Variants in CFAP100 observed in about 807,000 individuals in gnomAD.
The protein encoded by CFAP100 is cilia- and flagella-associated protein 100.
A neutral mutation model predicts 81.5 loss-of-function variants in CFAP100; 70 were observed. The observed-to-expected ratio is 0.86, with a 90% CI of 0.71 to 1.05. CFAP100 has a LOEUF of 1.05. Among genes scored for constraint, CFAP100 ranks in the 50% least tolerant of loss-of-function variants. The pLI, the probability that CFAP100 is intolerant of heterozygous loss-of-function variation, is 0.00. For missense variants in CFAP100, 811 were observed against 776.5 expected, an observed-to-expected ratio of 1.04 and a Z score of -0.53; for synonymous variants, 341 against 314.8, an observed-to-expected ratio of 1.08 and a Z score of -0.88.
At chr3:126,417,611 T>G (rs1445270644) in intron 5 of CFAP100, among the ~76,000 whole-genome samples, 1 of 152,162 alleles carries the variant, frequency 6.6e-6, no homozygotes, top group African/African-American at 2.4e-5. Context: ...TCCCAAGACC[T>G]GGAGGAGAGG....
chr3:126,400,606 A>G (rs7633034), intron 2 of CFAP100, among the ~76,000 whole-genome samples: 71,748 of 151,834 alleles, frequency 0.47, 17,602 homozygotes, highest in African/African-American at 0.61. Context: ...ACAAAAAATA[A>G]CCGGGCATGG....
At chr3:126,411,361 G>GTTTTTTTTTTTTTTT (rs58954079) in intron 3 of CFAP100, among the ~76,000 whole-genome samples, 12 of 35,384 alleles carry the variant, frequency 3.4e-4, no homozygotes, top group Admixed American at 5.4e-4. Context: ...GTTGTTGTTG[G>GTTTTTTTTTTTTTTT]TTTTTTTTTT....
chr3:126,415,943 G>A (rs1471928437), intron 4 of CFAP100, among the ~76,000 whole-genome samples: 1 of 152,176 alleles, frequency 6.6e-6, no homozygotes, highest in Non-Finnish European at 1.5e-5. Context: ...CGTAGTCTTC[G>A]GGAACCCCAG....
chr3:126,435,360 C>T (rs567178112), intron 15 of CFAP100, among the ~76,000 whole-genome samples, 199 bp from the exon 16 acceptor site: 1 of 152,274 alleles, frequency 6.6e-6, no homozygotes, highest in African/African-American at 2.4e-5. Flanking sequence ...TTGTCCTCCT[C>T]TGGGCCTAGG....
intron 2 of CFAP100, among the ~76,000 whole-genome samples, chr3:126,400,920 C>T (rs1001221528): frequency 2.0e-5 from 3 of 152,138 alleles, no homozygotes; most frequent in South Asian, 2.1e-4. Context: ...AATAGCCAAG[C>T]GGTGGAAGCC....
intron 8 of CFAP100, 133 bp downstream of exon 8, chr3:126,419,289 C>A: frequency 1.6e-6 from 1 of 638,818 alleles, no homozygotes; most frequent in Admixed American, 3.1e-5. Context: ...TTCCATGAGG[C>A]TGTTGCCCAT....
intron 11 of CFAP100, chr3:126,420,551 G>T (rs891361577): frequency 1.6e-5 from 6 of 376,226 alleles, no homozygotes; most frequent in African/African-American, 1.2e-4. Flanking sequence ...GCCCTGGGGG[G>T]ATAGGTACTG....
rs141719598 is a variant in CFAP100 at position 126,435,621 on chromosome 3, G to C, written c.1691G>C (p.Arg564Pro). The C allele has an allele frequency of 6.2e-7, 1 of 1,612,120 alleles. No individual in the cohort carries two copies. ...ILQEEHLQRA[R>P]ARAQAEIKKK... ...CAGGAGGAGCATCTGCAGCGGGCCC[G>C]GGCGCGCGCCCAGGCTGAGATCAAG... Residue 564 changes from arginine (R) to proline (P), a missense_variant, in exon 16 of 17, where the codon CGG (arginine) becomes CCG (proline). Arg to Pro is a moderately radical substitution (Grantham distance 103). Transcript: ENST00000352312.
At chr3:126,421,740 A>G (rs1045257036) in intron 11 of CFAP100, among the ~76,000 whole-genome samples, 6 of 152,206 alleles carry the variant, frequency 3.9e-5, no homozygotes, top group African/African-American at 1.4e-4. Flanking sequence ...ATGCTTCTCC[A>G]GTTGGAAGAG....
At position 126,407,251 on chromosome 3, in the gene CFAP100, A is replaced by C; in HGVS notation, c.129A>C (p.Glu43Asp). 2.5e-6 allele frequency: 4 copies of C among 1,612,486 alleles called. No homozygotes were observed. The highest frequency in any genetic ancestry group is 3.4e-6 in the Non-Finnish European group (4 of 1,178,796). The change falls in exon 3 of 17, where the codon GAA becomes GAC. Residue 43 changes from glutamate (E) to aspartate (D), a missense_variant and splice_region_variant. Glu to Asp is a conservative substitution (Grantham distance 45, BLOSUM62 2). Transcript: ENST00000352312. ...CAAAGAAACAGGCAAGAAAAAACGA[A>C]GGTAACCTTCAAGCTGGGAGGCTAA... ...ENPKKQARKN[E>D]EHGPDPSANP... is the part of the protein sequence containing the mutation.
intron 11 of CFAP100, chr3:126,420,514 A>G: frequency 2.2e-6 from 1 of 459,200 alleles, no homozygotes. Flanking sequence ...TCTTGGACAA[A>G]GGCCTGCCCC....
intron 15 of CFAP100, chr3:126,434,599 C>T (rs544640705): frequency 6.5e-5 from 36 of 554,154 alleles, no homozygotes; most frequent in East Asian, 5.2e-4. Flanking sequence ...GACAGTGACT[C>T]GATGTGGCCA....
rs1933442766 is a variant in CFAP100 at position 126,436,264 on chromosome 3, G to A, written c.1723-27G>A. The A allele has an allele frequency of 4.4e-6, 7 of 1,587,216 alleles. No individual in the cohort carries two copies. In the African/African-American group the frequency reaches 6.7e-5, roughly 15 times the overall value. On this transcript the variant is annotated intron_variant, in intron 16 of 16. Coordinates refer to ENST00000352312, the MANE Select transcript of CFAP100 (RefSeq NM_182628.3). Reference sequence around the variant, plus strand: ...GGGCATACGGCTCACTAGGCAGCAAGGCTCACTGGGCTTGTTTCCCCTGCA... The same window carrying A: ...GGGCATACGGCTCACTAGGCAGCAAAGCTCACTGGGCTTGTTTCCCCTGCA...
chr3:126,419,124 G>A lies in CFAP100; in HGVS notation c.699G>A (p.Arg233=). 1.3e-6 allele frequency: 2 copies of A among 1,593,268 alleles called. No homozygotes were observed. The highest frequency in any genetic ancestry group is 1.7e-5 in the Admixed American group (1 of 57,908). ...KAKIEKILEI[R]DLTTQIVNIK... is the part of the protein sequence containing the mutation. ...AGATAGAGAAGATCCTTGAGATCCGGGACCTCACCACCCAGATTGTTAATA... is the reference window on the plus strand; with the variant it reads ...AGATAGAGAAGATCCTTGAGATCCGAGACCTCACCACCCAGATTGTTAATA... The change falls in exon 8 of 17, where the codon CGG becomes CGA. Residue 233 remains arginine (R), a synonymous_variant. Coordinates refer to ENST00000352312, the MANE Select transcript of CFAP100 (RefSeq NM_182628.3).
intron 2 of CFAP100, among the ~76,000 whole-genome samples, chr3:126,401,712 G>A (rs1240712261): frequency 6.6e-6 from 1 of 151,840 alleles, no homozygotes; most frequent in African/African-American, 2.4e-5. Context: ...GATGGAGGGA[G>A]GTGTGGGTGT....
At chr3:126,418,584 C>T (rs2083278310) in intron 6 of CFAP100, 27 bp from the exon 7 acceptor site, 1 of 1,612,702 alleles carries the variant, frequency 6.2e-7, no homozygotes. Context: ...GGGCCAGGCA[C>T]CATGACCCCA....
In CFAP100 at chr3:126,420,210, A is replaced by G; in HGVS notation, c.1063A>G (p.Ser355Gly). Residue 355 changes from serine to glycine, a missense_variant, in exon 11 of 17, where the codon AGC becomes GGC. By Grantham distance (56) the Ser-to-Gly change is moderately conservative (BLOSUM62 0). Transcript: ENST00000352312. Reference sequence around the variant, plus strand: ...GCAAGGCAGCCAGCCCAGCGAGTCCAGCGGTGGCGACTCCAGAGGGTGAGT... The same window carrying G: ...GCAAGGCAGCCAGCCCAGCGAGTCCGGCGGTGGCGACTCCAGAGGGTGAGT... Reference protein sequence around the residue: ...PQQGSQPSESSGGDSRGSNSP... With the variant: ...PQQGSQPSESGGGDSRGSNSP... The G allele has an allele frequency of 6.2e-7, 1 of 1,612,474 alleles. No individual in the cohort carries two copies. Among genetic ancestry groups the G allele is most frequent in the African/African-American group, 1.3e-5 (1 of 75,020 alleles).
chr3:126,395,303 T>A (rs993066694), intron 1 of CFAP100: 2 of 152,180 alleles, frequency 1.3e-5, no homozygotes, highest in African/African-American at 2.4e-5. Flanking sequence ...TGGCACAAGC[T>A]TAGAGTGGGG....
rs1253000959 is a variant in CFAP100 at position 126,423,342 on chromosome 3, C to A, written c.1100C>A (p.Pro367His). Reference sequence around the variant, plus strand: ...CTTCGCAGGTCGAACTCTCCCATCCCCCCCACGCAGGAGGACACCGACAGC... The same window carrying A: ...CTTCGCAGGTCGAACTCTCCCATCCACCCCACGCAGGAGGACACCGACAGC... ...GDSRGSNSPI[P>H]PTQEDTDSDG... Residue 367 changes from proline to histidine, a missense_variant, in exon 12 of 17, where the codon CCC becomes CAC. Pro to His is a moderately conservative substitution (Grantham distance 77, BLOSUM62 -2). Transcript: ENST00000352312. 1.2e-6 allele frequency: 2 copies of A among 1,613,456 alleles called. No individual in the cohort carries two copies. The highest frequency in any genetic ancestry group is 2.7e-5 in the African/African-American group (2 of 74,908).
Sources: allele counts gnomAD v4.1 joint callset (sites outside exome capture counted in the v4.1 genomes callset), GRCh38; gene constraint gnomAD v4.1.1; transcripts MANE v1.5; gene names NCBI Gene and HGNC (gene_info 2026-07-23, HGNC 2026-07-21).